Variants in KCNJ15 observed in about 807,000 individuals in gnomAD.
KCNJ15 encodes ATP-sensitive inward rectifier potassium channel 15.
KCNJ15 carries 14 observed loss-of-function variants against 23.0 expected under a neutral mutation model. The ratio of observed to expected loss-of-function variants is 0.61; its 90% CI spans 0.40 to 0.95. The LOEUF is 0.95. Ranked by LOEUF, KCNJ15 falls within the 40% of genes least tolerant of loss-of-function variation. KCNJ15 has a pLI of 0.00. For synonymous variants in KCNJ15, 185 were observed against 183.2 expected (o/e 1.01, Z -0.08); for missense variants, 388 against 461.8 (o/e 0.84, Z 1.46).
At chr21:38,262,978 G>A (rs1283936531) in intron 1 of KCNJ15, among the ~76,000 whole-genome samples, 2 of 152,088 alleles carry the variant, frequency 1.3e-5, no homozygotes, top group African/African-American at 2.4e-5. Context: ...GTGCCTGGCC[G>A]ACATTGATAT....
chr21:38,281,760 A>G (rs1983371077), intron 1 of KCNJ15, among the ~76,000 whole-genome samples: 2 of 152,292 alleles, frequency 1.3e-5, no homozygotes, highest in East Asian at 1.9e-4. Flanking sequence ...TGGTAGAATG[A>G]TATAGTTTCC....
chr21:38,257,924 A>G (rs1190472194), intron 1 of KCNJ15, among the ~76,000 whole-genome samples: 1 of 152,238 alleles, frequency 6.6e-6, no homozygotes, highest in African/African-American at 2.4e-5. Flanking sequence ...TTCAATAGAC[A>G]TTTCTTGACC....
intron 1 of KCNJ15, among the ~76,000 whole-genome samples, chr21:38,266,276 C>T (rs1167831301): frequency 6.6e-6 from 1 of 152,164 alleles, no homozygotes; most frequent in East Asian, 1.9e-4. Flanking sequence ...TCCTAATGCT[C>T]TCCCTCCTCT....
At chr21:38,263,956 T>C (rs1981197099) in intron 1 of KCNJ15, among the ~76,000 whole-genome samples, 1 of 152,072 alleles carries the variant, frequency 6.6e-6, no homozygotes, top group Admixed American at 6.6e-5. Context: ...TAAGAGTAAA[T>C]GTCAAAAAGG....
chr21:38,268,550 GAA>G (rs576709021), intron 1 of KCNJ15, among the ~76,000 whole-genome samples: 146 of 47,244 alleles, frequency 3.1e-3, no homozygotes, highest in East Asian at 7.9e-3. Context: ...CTTAAAATCT[GAA>G]AAAAAAAAAA....
upstream of KCNJ15, among the ~76,000 whole-genome samples, chr21:38,252,147 T>C (rs1422833230): frequency 2.0e-5 from 3 of 152,236 alleles, no homozygotes; most frequent in Non-Finnish European, 2.9e-5. Flanking sequence ...TAGAGTTACA[T>C]TGCTAAACTG....
intron 1 of KCNJ15, among the ~76,000 whole-genome samples, chr21:38,245,354 G>A (rs942460629): frequency 2.0e-5 from 3 of 151,422 alleles, no homozygotes; most frequent in African/African-American, 7.3e-5. Context: ...AAAAAAAAAT[G>A]AGTGATTCTT....
In KCNJ15 at chr21:38,300,697, G is replaced by A. The variant is rs140490846; in HGVS notation, c.*308G>A. On this transcript the variant is annotated 3_prime_UTR_variant, in exon 3 of 3. Coordinates refer to ENST00000398938, the MANE Select transcript of KCNJ15 (RefSeq NM_170736.3). ...GTCCTGTTAGATAAACAGACATTTA[G>A]CAATCCTGACATTAAAAGGAAATGT... 3.4e-5 allele frequency: 10 copies of A among 293,162 alleles called. No individual in the cohort carries two copies. The Admixed American group carries it at 4.8e-4, about 14-fold the overall frequency. 18.2% of individuals were successfully genotyped at this position (293,162 alleles called of 1,614,324 possible).
At chr21:38,262,797 T>A (rs1444088492) in intron 1 of KCNJ15, among the ~76,000 whole-genome samples, 2 of 151,834 alleles carry the variant, frequency 1.3e-5, no homozygotes, top group African/African-American at 4.8e-5. Context: ...CCTGCCTTAG[T>A]CTCCCAAATA....
chr21:38,264,918 A>G (rs986825772), intron 1 of KCNJ15, among the ~76,000 whole-genome samples: 1 of 152,232 alleles, frequency 6.6e-6, no homozygotes, highest in Admixed American at 6.5e-5. Flanking sequence ...CACTTGAAAT[A>G]AAACAGAAAA....
At chr21:38,275,721 G>A (rs962298484) in intron 1 of KCNJ15, among the ~76,000 whole-genome samples, 1 of 152,104 alleles carries the variant, frequency 6.6e-6, no homozygotes, top group African/African-American at 2.4e-5. Flanking sequence ...CTCATAGGCA[G>A]CCATGGTTGA....
chr21:38,287,460 C>T (rs1984034678), intron 1 of KCNJ15, among the ~76,000 whole-genome samples: 1 of 152,152 alleles, frequency 6.6e-6, no homozygotes, highest in African/African-American at 2.4e-5. Context: ...AATGTAAGGC[C>T]ACTCTGTACT....
At chr21:38,273,346 A>G (rs1422622490) in intron 1 of KCNJ15, among the ~76,000 whole-genome samples, 1 of 152,248 alleles carries the variant, frequency 6.6e-6, no homozygotes, top group East Asian at 1.9e-4. Context: ...GGTCCTATGC[A>G]TATTACTCTA....
chr21:38,298,748 A>G (rs1241518949), intron 2 of KCNJ15, among the ~76,000 whole-genome samples: 2 of 152,310 alleles, frequency 1.3e-5, no homozygotes, highest in East Asian at 3.9e-4. Context: ...CTGGACTTAC[A>G]CTCAGTCAAA....
intron 1 of KCNJ15, among the ~76,000 whole-genome samples, chr21:38,231,380 T>C (rs1013801325): frequency 1.4e-4 from 21 of 152,012 alleles, no homozygotes; most frequent in Non-Finnish European, 1.9e-4. Context: ...TTATGTCGTA[T>C]GTAAATATAA....
upstream of KCNJ15, among the ~76,000 whole-genome samples, chr21:38,255,093 G>T (rs1894540326): frequency 3.3e-5 from 5 of 152,318 alleles, no homozygotes; most frequent in South Asian, 6.2e-4. Context: ...GGAAAAGCTT[G>T]AGGGCAACTT....
chr21:38,254,699 G>T (rs537099516), upstream of KCNJ15, among the ~76,000 whole-genome samples: 2 of 152,114 alleles, frequency 1.3e-5, no homozygotes, highest in African/African-American at 4.8e-5. Context: ...TCAATTCATC[G>T]CTCTGTAGCT....
intron 1 of KCNJ15, among the ~76,000 whole-genome samples, chr21:38,282,624 C>T (rs532455223): frequency 2.3e-4 from 35 of 152,242 alleles, no homozygotes; most frequent in African/African-American, 8.2e-4. Flanking sequence ...CCTCTCTGAC[C>T]TAGAACGTTG....
At chr21:38,260,365 G>A (rs542369427) in intron 1 of KCNJ15, among the ~76,000 whole-genome samples, 1 of 152,316 alleles carries the variant, frequency 6.6e-6, no homozygotes, top group East Asian at 1.9e-4. Context: ...GAGAATTTCA[G>A]TCAGAAACAT....
Sources: gnomAD v4.1 joint callset for allele counts (sites outside exome capture counted in the v4.1 genomes callset) on GRCh38, gnomAD v4.1.1 for gene constraint, MANE v1.5 for transcripts, NCBI Gene and HGNC (gene_info 2026-07-23, HGNC 2026-07-21) for gene names.